GRIN2D: variants seen among roughly 807,000 people sequenced by gnomAD.
GRIN2D encodes glutamate receptor ionotropic, NMDA 2D.
A neutral mutation model predicts 103.2 loss-of-function variants in GRIN2D; 37 were observed. The ratio of observed to expected loss-of-function variants is 0.36; its 90% confidence interval spans 0.28 to 0.47. The LOEUF is 0.47. GRIN2D is among the 20% of genes least tolerant of loss of function. The pLI, the probability that GRIN2D is intolerant of heterozygous loss-of-function variation, is 1.00. For synonymous variants in GRIN2D, 845 were observed against 885.6 expected, an observed-to-expected ratio of 0.95 and a Z score of 0.81; for missense variants, 1,557 against 1,910.6, an observed-to-expected ratio of 0.81 and a Z score of 3.45.
intron 3 of GRIN2D, among the ~76,000 whole-genome samples, chr19:48,402,771 AGAGAGAG>A (rs1970733895): frequency 1.4e-5 from 1 of 71,560 alleles, no homozygotes; most frequent in Non-Finnish European, 2.6e-5. Context: ...TTTACGAGAG[AGAGAGAG>A]AGAGAGAGAG....
At position 48,405,229 on chromosome 19, in the gene GRIN2D, G is replaced by T. The variant is rs764269540; in HGVS notation, c.961G>T (p.Ala321Ser). The change falls in exon 4 of 14, where the codon GCA becomes TCA. Residue 321 changes from alanine to serine, a missense_variant. Ala to Ser is a moderately conservative substitution (Grantham distance 99, BLOSUM62 1). Transcript: ENST00000263269. This position sits in a 1 kb window ranked among gnomAD's most constrained non-coding sequence, Gnocchi z 5.1. ...GCGGGATGACCTGGCTCGGCGAGTG[G>T]CAGCTGGCGTGGCCGTAGTGGCCAG... The part of the protein sequence containing the change: ...GWRDDLARRV[A>S]AGVAVVARGA... 3.1e-6 allele frequency: 5 copies of T among 1,598,202 alleles called. No individual in the cohort carries two copies. The highest frequency in any genetic ancestry group is 3.4e-6 in the Non-Finnish European group (4 of 1,177,248).
At chr19:48,404,218 C>T (rs555709471) in intron 3 of GRIN2D, among the ~76,000 whole-genome samples, 1 of 138,744 alleles carries the variant, frequency 7.2e-6, no homozygotes, top group African/African-American at 2.8e-5. Flanking sequence ...CCAGTCTGGG[C>T]AACAAGAGTG....
Position 48,414,181 on chromosome 19 carries a change from T to TCG in GRIN2D, c.1200+77_1200+78dup. Reference sequence around the variant, plus strand: ...ATCCTGGCAGAGGGGGGGCTTGAGGTCGTGGACTAAGAGGGAGGAGGGGAC... The same window carrying TCG: ...ATCCTGGCAGAGGGGGGGCTTGAGGTCGCGTGGACTAAGAGGGAGGAGGGGAC... On this transcript the variant is annotated intron_variant, in intron 5 of 13. Transcript: ENST00000263269. This position sits in a 1 kb window ranked among gnomAD's most constrained non-coding sequence, Gnocchi z 4.6. 1.0e-6 allele frequency: 1 copy of TCG among 997,204 alleles called. No individual in the cohort carries two copies. Among genetic ancestry groups the TCG allele is most frequent in the Middle Eastern group, 2.1e-4 (1 of 4,714 alleles). 61.8% of individuals were successfully genotyped at this position (997,204 alleles called of 1,614,324 possible).
chr19:48,443,764 C>T lies in GRIN2D; in HGVS notation c.3838C>T (p.Arg1280Cys). The T allele has an allele frequency of 1.4e-6, 2 of 1,432,030 alleles. No homozygotes were observed. The highest frequency in any genetic ancestry group is 3.0e-5 in the African/African-American group (2 of 66,918). The allele number at this position is 1,432,030 out of a possible 1,614,324, so 88.7% of individuals were successfully genotyped here. A position where few individuals can be genotyped will look rare whatever the true frequency, so the allele number is the denominator to read the frequency against. The change falls in exon 14 of 14, where the codon CGC (arginine) becomes TGC (cysteine). Residue 1280 changes from arginine (R) to cysteine (C), a missense_variant. Arg to Cys is a radical substitution (Grantham distance 180, BLOSUM62 -3). This residue lies in a region of GRIN2D where 11 missense variants were observed against 29.1 expected (regional missense o/e 0.38). Coordinates refer to ENST00000263269, the MANE Select transcript of GRIN2D (RefSeq NM_000836.4). The surrounding 1 kb of genome is among the most constrained non-coding windows in gnomAD (Gnocchi z 8.9). ...RSLEDLSSCP[R>C]AAPARRLTGP... ...GCTCGAGGACCTCAGCTCGTGCCCTCGCGCCGCCCCTGCGCGCAGGCTTAC... is the reference window on the plus strand; with the variant it reads ...GCTCGAGGACCTCAGCTCGTGCCCTTGCGCCGCCCCTGCGCGCAGGCTTAC...
intron 4 of GRIN2D, among the ~76,000 whole-genome samples, chr19:48,408,578 G>C (rs1970818735): frequency 6.6e-6 from 1 of 152,028 alleles, no homozygotes; most frequent in Non-Finnish European, 1.5e-5. Flanking sequence ...CAGGGCTTTG[G>C]GAGGCTGAGG....
intron 3 of GRIN2D, among the ~76,000 whole-genome samples, chr19:48,404,101 G>A (rs926839693): frequency 9.2e-5 from 14 of 152,182 alleles, no homozygotes; most frequent in South Asian, 2.1e-4. Context: ...TTAGTTGGGC[G>A]TGGTGGCGCA....
At chr19:48,438,157 A>C (rs1971252572) in intron 11 of GRIN2D, among the ~76,000 whole-genome samples, 1 of 152,112 alleles carries the variant, frequency 6.6e-6, no homozygotes, top group Admixed American at 6.6e-5. Context: ...GTGCGTGGAC[A>C]GGGTTTTTCT....
intron 11 of GRIN2D, among the ~76,000 whole-genome samples, chr19:48,425,310 C>T (rs1448450936): frequency 6.6e-6 from 1 of 152,102 alleles, no homozygotes; most frequent in African/African-American, 2.4e-5. Context: ...GCTGCAATCT[C>T]GGCTCACTGC....
rs1263958021 is a variant in GRIN2D at position 48,419,378 on chromosome 19, A to G, written c.1861+19A>G. Reference sequence around the variant, plus strand: ...GGCAAGCGTGAGTCCCCCTTCCTCCATCCCCCGCCTCGGAGATCCCGAACC... The same window carrying G: ...GGCAAGCGTGAGTCCCCCTTCCTCCGTCCCCCGCCTCGGAGATCCCGAACC... On this transcript the variant is annotated intron_variant, in intron 9 of 13. Coordinates refer to ENST00000263269, the MANE Select transcript of GRIN2D (RefSeq NM_000836.4). The G allele has an allele frequency of 6.3e-7, 1 of 1,586,258 alleles. No homozygotes were observed. The highest frequency in any genetic ancestry group is 1.1e-5 in the South Asian group (1 of 90,346).
chr19:48,397,771 C>T (rs928357704), intron 2 of GRIN2D, among the ~76,000 whole-genome samples: 1 of 151,824 alleles, frequency 6.6e-6, no homozygotes, highest in African/African-American at 2.4e-5. Flanking sequence ...CTCCCCGTCT[C>T]CCTGGGCCTC....
In GRIN2D at chr19:48,443,401, G is replaced by T. The variant is rs1971332505; in HGVS notation, c.3475G>T (p.Gly1159Trp). The T allele has an allele frequency of 7.0e-7, 1 of 1,420,728 alleles. No individual in the cohort carries two copies. The highest frequency in any genetic ancestry group is 9.2e-7 in the Non-Finnish European group (1 of 1,091,422). 88.0% of individuals were successfully genotyped at this position (1,420,728 alleles called of 1,614,324 possible). A position where few individuals can be genotyped will look rare whatever the true frequency, so the allele number is the denominator to read the frequency against. The change falls in exon 14 of 14, where the codon GGG becomes TGG. Residue 1159 changes from glycine to tryptophan, a missense_variant. Around this residue, in one of 7 missense-constraint regions of GRIN2D, gnomAD observed 632 missense variants for 572.8 expected, o/e 1.10. Transcript: ENST00000263269. This position sits in a 1 kb window ranked among gnomAD's most constrained non-coding sequence, Gnocchi z 8.9. ...CCGCTACTGGTCGGTCGACAAGCTC[G>T]GGGGCTGGCGCGCCGGGAGCTGGGA... Reference protein sequence around the residue: ...PGRYWSVDKLGGWRAGSWDYL... With the variant: ...PGRYWSVDKLWGWRAGSWDYL...
At chr19:48,430,165 G>A (rs934496631) in intron 11 of GRIN2D, among the ~76,000 whole-genome samples, 2 of 152,072 alleles carry the variant, frequency 1.3e-5, no homozygotes, top group Admixed American at 1.3e-4. Flanking sequence ...GTAGTAAACC[G>A]TGATTACTTT....
At chr19:48,440,900 T>A (rs1971283436) in intron 11 of GRIN2D, among the ~76,000 whole-genome samples, 1 of 152,162 alleles carries the variant, frequency 6.6e-6, no homozygotes, top group South Asian at 2.1e-4. Context: ...TTGGCCAGAC[T>A]GGTCTGGAAC....
At chr19:48,441,585 A>G (rs186716849) in intron 11 of GRIN2D, among the ~76,000 whole-genome samples, 184 bp from the exon 12 acceptor site, 1 of 152,292 alleles carries the variant, frequency 6.6e-6, no homozygotes, top group Non-Finnish European at 1.5e-5. Context: ...GAAGGGAGAT[A>G]CTGCTGCCAT....
chr19:48,434,457 A>G (rs764703290), intron 11 of GRIN2D, among the ~76,000 whole-genome samples: 18 of 151,808 alleles, frequency 1.2e-4, no homozygotes, highest in Non-Finnish European at 1.8e-4. Context: ...GTTTCACCAT[A>G]TTGGCCAGGC....
rs1408798751 is a variant in GRIN2D at position 48,433,677 on chromosome 19, C to T, written c.2253-8092C>T. On this transcript the variant is annotated intron_variant, in intron 11 of 13. Transcript: ENST00000263269. ...CATGAGAGATGTGCAATTTCTCACT[C>T]ACTCAAGAGGGGCAAAAAAGGAAAT... Among the ~76,000 whole-genome samples the T allele has an allele frequency of 2.0e-5, 3 of 152,196 alleles. No individual in the cohort carries two copies. The East Asian group carries it at 5.8e-4, about 29-fold the overall frequency.
chr19:48,421,691 T>G lies in GRIN2D; in HGVS notation c.2092-94T>G. On this transcript the variant is annotated intron_variant, in intron 10 of 13. Coordinates refer to ENST00000263269, the MANE Select transcript of GRIN2D (RefSeq NM_000836.4). The surrounding 1 kb of genome is among the most constrained non-coding windows in gnomAD (Gnocchi z 4.8). Reference sequence around the variant, plus strand: ...ATATTGAACACTCCTGGGACTGGGGTGTCTGCCAGATAGCGGGTGTGTCTC... The same window carrying G: ...ATATTGAACACTCCTGGGACTGGGGGGTCTGCCAGATAGCGGGTGTGTCTC... 1.0e-6 allele frequency: 1 copy of G among 977,062 alleles called. No homozygotes were observed. Among genetic ancestry groups the G allele is most frequent in the Non-Finnish European group, 1.6e-6 (1 of 627,904 alleles). The allele number at this position is 977,062 out of a possible 1,614,324, so 60.5% of individuals were successfully genotyped here.
rs762842736 is a variant in GRIN2D at position 48,441,967 on chromosome 19, A to C, written c.2440+11A>C. 158 of 1,597,314 alleles carry C rather than the reference A, an allele frequency of 9.9e-5. No individual in the cohort carries two copies. The highest frequency in any genetic ancestry group is 1.3e-4 in the Non-Finnish European group (150 of 1,172,868). On this transcript the variant is annotated intron_variant, in intron 12 of 13. Coordinates refer to ENST00000263269, the MANE Select transcript of GRIN2D (RefSeq NM_000836.4). ...AGTTCCTGGGGGATGGTGCGGCTGCACACAGGGATTTCCACAGCGGAGAGG... is the reference window on the plus strand; with the variant it reads ...AGTTCCTGGGGGATGGTGCGGCTGCCCACAGGGATTTCCACAGCGGAGAGG...
intron 11 of GRIN2D, among the ~76,000 whole-genome samples, chr19:48,429,567 CTT>C (rs998891723): frequency 4.0e-5 from 6 of 151,812 alleles, no homozygotes; most frequent in African/African-American, 1.5e-4. Flanking sequence ...GCCCAGCTAA[CTT>C]TTGTATTTTC....
Sources: allele counts gnomAD v4.1 joint callset (sites outside exome capture counted in the v4.1 genomes callset), GRCh38; gene constraint gnomAD v4.1.1; regional missense constraint gnomAD v4.1.1; non-coding constraint Gnocchi (gnomAD v3.1); transcripts MANE v1.5; gene names NCBI Gene and HGNC (gene_info 2026-07-23, HGNC 2026-07-21).